Variants in RBFOX1 observed in about 807,000 individuals in gnomAD.
The protein encoded by RBFOX1 is RNA binding protein fox-1 homolog 1.
RBFOX1 carries 8 observed loss-of-function variants against 57.7 expected under a neutral mutation model. The ratio of observed to expected loss-of-function variants is 0.14; its 90% CI spans 0.08 to 0.25. The LOEUF is 0.25. Among genes scored for constraint, RBFOX1 ranks in the 10% least tolerant of loss-of-function variants. The probability of loss-of-function intolerance (pLI) is 1.00; values close to 1 mark genes in which losing one functional copy is unlikely to be tolerated. For synonymous variants in RBFOX1, 326 were observed against 222.4 expected (o/e 1.47, Z -4.15); for missense variants, 611 against 548.5 (o/e 1.11, Z -1.14).
intron 1 of RBFOX1, among the ~76,000 whole-genome samples, chr16:6,050,965 C>A (rs980236643): frequency 1.3e-5 from 2 of 148,582 alleles, no homozygotes; most frequent in Non-Finnish European, 3.0e-5. Flanking sequence ...TTTGACATGA[C>A]TCTGCTTGTC....
intron 3 of RBFOX1, among the ~76,000 whole-genome samples, chr16:5,811,863 C>T (rs1327545018): frequency 5.3e-5 from 8 of 152,086 alleles, no homozygotes; most frequent in Non-Finnish European, 7.4e-5. Flanking sequence ...GTCATGTAGG[C>T]GTTACCACAA....
At chr16:6,659,579 C>T (rs1454410844) in intron 3 of RBFOX1, among the ~76,000 whole-genome samples, 1 of 152,078 alleles carries the variant, frequency 6.6e-6, no homozygotes, top group South Asian at 2.1e-4. Flanking sequence ...AAGTGACTTG[C>T]CTGAGATCAC....
intron 4 of RBFOX1, among the ~76,000 whole-genome samples, chr16:7,246,834 C>T (rs535542411): frequency 4.3e-4 from 66 of 152,180 alleles, no homozygotes; most frequent in African/African-American, 1.5e-3. Flanking sequence ...AAGAGAGCTA[C>T]AGCATAAAGG....
chr16:7,381,978 C>T (rs1339512713), intron 4 of RBFOX1, among the ~76,000 whole-genome samples: 2 of 152,158 alleles, frequency 1.3e-5, no homozygotes, highest in African/African-American at 2.4e-5. Context: ...AATGTTTCTC[C>T]CTTTGAGAAT....
chr16:7,661,078 G>A (rs1031582382), intron 12 of RBFOX1, among the ~76,000 whole-genome samples: 19 of 152,328 alleles, frequency 1.2e-4, no homozygotes, highest in Non-Finnish European at 2.5e-4. Context: ...AGTAGTGGGA[G>A]TAATGGTGCT....
chr16:6,617,661 G>T (rs551127956), intron 2 of RBFOX1, among the ~76,000 whole-genome samples: 57 of 152,210 alleles, frequency 3.7e-4, no homozygotes, highest in Admixed American at 7.8e-4. Flanking sequence ...CACAGGCAGG[G>T]TTTTGACTCT....
intron 4 of RBFOX1, among the ~76,000 whole-genome samples, chr16:5,943,719 A>T (rs1364197867): frequency 6.6e-6 from 1 of 152,216 alleles, no homozygotes; most frequent in Admixed American, 6.5e-5. Flanking sequence ...GAATGTATCA[A>T]CAGTTTGCCA....
chr16:6,807,912 G>GTATATATATATA (rs1272011957), intron 3 of RBFOX1, among the ~76,000 whole-genome samples: 11 of 134,620 alleles, frequency 8.2e-5, no homozygotes, highest in African/African-American at 3.0e-4. Flanking sequence ...GTGTGTGTGT[G>GTATATATATATA]TGTATATATA....
chr16:6,780,229 ATT>A (rs1257352621), intron 3 of RBFOX1, among the ~76,000 whole-genome samples: 89 of 69,406 alleles, frequency 1.3e-3, no homozygotes, highest in Middle Eastern at 0.018. Context: ...TTATATATAT[ATT>A]TATATATATT....
chr16:6,975,577 A>T (rs2086650910), intron 3 of RBFOX1, among the ~76,000 whole-genome samples: 1 of 152,134 alleles, frequency 6.6e-6, no homozygotes, highest in South Asian at 2.1e-4. Context: ...GCAAGTGCCC[A>T]TATGTTGATA....
intron 3 of RBFOX1, among the ~76,000 whole-genome samples, chr16:6,936,688 A>G (rs1377023064): frequency 1.3e-5 from 2 of 152,138 alleles, no homozygotes; most frequent in Admixed American, 6.6e-5. Flanking sequence ...AGGCTGAGAG[A>G]GGATAGCATT....
chr16:5,882,541 C>T (rs2057788085), intron 4 of RBFOX1, among the ~76,000 whole-genome samples: 2 of 152,140 alleles, frequency 1.3e-5, no homozygotes, highest in South Asian at 4.1e-4. Flanking sequence ...CTGCCTCTAC[C>T]ACAGGCACTG....
chr16:7,200,660 C>G (rs1567680393), intron 4 of RBFOX1, among the ~76,000 whole-genome samples: 1 of 152,174 alleles, frequency 6.6e-6, no homozygotes, highest in African/African-American at 2.4e-5. Context: ...AAATAGTTCA[C>G]TTAGTCAGAG....
intron 4 of RBFOX1, among the ~76,000 whole-genome samples, chr16:5,892,264 G>A (rs1051286393): frequency 6.6e-6 from 1 of 152,194 alleles, no homozygotes; most frequent in African/African-American, 2.4e-5. Context: ...GCGGGGTTGA[G>A]GGGAGACCAA....
intron 14 of RBFOX1, among the ~76,000 whole-genome samples, chr16:7,701,246 C>T (rs2080597787): frequency 6.9e-6 from 1 of 145,570 alleles, no homozygotes; most frequent in African/African-American, 2.8e-5. Flanking sequence ...GACTTTGCTG[C>T]ATTTTTAGTC....
chr16:7,401,276 GA>G (rs1187478333), intron 4 of RBFOX1, among the ~76,000 whole-genome samples: 1 of 152,294 alleles, frequency 6.6e-6, no homozygotes, highest in African/African-American at 2.4e-5. Context: ...AATATATAGA[GA>G]AAAAGGTGAA....
At chr16:7,055,535 A>C (rs1486469385) in intron 4 of RBFOX1, among the ~76,000 whole-genome samples, 1 of 152,138 alleles carries the variant, frequency 6.6e-6, no homozygotes, top group African/African-American at 2.4e-5. Flanking sequence ...CATCAGAAGG[A>C]AGGAGAAGAG....
At chr16:7,054,008 C>T (rs1185454728) in intron 4 of RBFOX1, among the ~76,000 whole-genome samples, 3 of 151,864 alleles carry the variant, frequency 2.0e-5, no homozygotes, top group African/African-American at 7.3e-5. Flanking sequence ...GTCTAGTTCC[C>T]TCTGGGAGAC....
rs150903846 is a variant in RBFOX1 at position 5,794,595 on chromosome 16, G to C, written c.319-72708G>C. 4.3e-4 allele frequency among the ~76,000 whole-genome samples: 66 copies of C among 152,274 alleles called. 2 individuals carry two copies. In the East Asian group the frequency reaches 6.0e-3, roughly 14 times the overall value. The stretch of plus-strand genomic sequence containing the variant: ...AGCTGTCGGGCAGGTCAGATGTTGT[G>C]TGTCAAGGCATGTGGTGAGCAAAAT... On this transcript the variant is annotated intron_variant, in intron 3 of 19. Coordinates refer to the RBFOX1 transcript ENST00000641259.
Sources: allele counts gnomAD v4.1 joint callset (sites outside exome capture counted in the v4.1 genomes callset), GRCh38; gene constraint gnomAD v4.1.1; transcripts MANE v1.5; gene names NCBI Gene and HGNC (gene_info 2026-07-23, HGNC 2026-07-21).